ATP2C2: variants seen among roughly 807,000 people sequenced by gnomAD.
ATP2C2 encodes calcium-transporting ATPase type 2C member 2.
A neutral mutation model predicts 110.8 loss-of-function variants in ATP2C2; 171 were observed. The observed-to-expected ratio is 1.54, with a 90% CI of 1.36 to 1.75. The LOEUF (loss-of-function observed/expected upper bound fraction) is 1.75. Ranked by LOEUF, ATP2C2 falls within the 40% of genes most tolerant of loss-of-function variation. The pLI is 0.00. For missense variants in ATP2C2, 1,963 were observed against 1,235.0 expected, an observed-to-expected ratio of 1.59 and a Z score of -8.84; for synonymous variants, 804 against 508.4, an observed-to-expected ratio of 1.58 and a Z score of -7.82.
rs1392386592 is a variant in ATP2C2, at chr16:84,463,800, C to G, written c.*68C>G. On this transcript the variant is annotated 3_prime_UTR_variant, in exon 27 of 27. Transcript: ENST00000262429. ...GTTGTGACTGTGGCCCCTGCCGTGT[C>G]TCCTCGTCAGGGGAGACTTTTAGGA... The G allele has an allele frequency of 2.3e-5, 32 of 1,389,984 alleles. No individual in the cohort carries two copies. In the Middle Eastern group the frequency reaches 7.2e-4, roughly 31 times the overall value. The allele number at this position is 1,389,984 out of a possible 1,614,324, so 86.1% of individuals were successfully genotyped here. A position where few individuals can be genotyped will look rare whatever the true frequency, so the allele number is the denominator to read the frequency against.
chr16:84,448,175 G>C (rs575914809), intron 16 of ATP2C2, among the ~76,000 whole-genome samples: 1 of 152,216 alleles, frequency 6.6e-6, no homozygotes, highest in Non-Finnish European at 1.5e-5. Flanking sequence ...CAGTCTAATG[G>C]AAATATTCCC....
chr16:84,372,451 C>T (rs1288342350), intron 1 of ATP2C2, among the ~76,000 whole-genome samples: 1 of 152,014 alleles, frequency 6.6e-6, no homozygotes, highest in African/African-American at 2.4e-5. Flanking sequence ...TTTTTTCTTT[C>T]GAGACAGTGT....
chr16:84,404,728 A>G (rs1460971360), intron 2 of ATP2C2: 3 of 352,536 alleles, frequency 8.5e-6, no homozygotes, highest in Non-Finnish European at 1.6e-5. Context: ...GAATTGCTGG[A>G]TCTGGTAGCT....
chr16:84,368,554 C>T lies in ATP2C2; in HGVS notation c.-62C>T, dbSNP rs1361076601. Reference sequence around the variant, plus strand: ...GTCCGGCCCAGGAGGCTTGGGCGCGCGCAGCCATCCCGGGCCTCGCCGGGG... The same window carrying T: ...GTCCGGCCCAGGAGGCTTGGGCGCGTGCAGCCATCCCGGGCCTCGCCGGGG... On this transcript the variant is annotated 5_prime_UTR_variant, in exon 1 of 27. Transcript: ENST00000262429. 4 of 1,330,536 alleles carry T rather than the reference C, an allele frequency of 3.0e-6. No homozygotes were observed. The highest frequency in any genetic ancestry group is 2.8e-5 in the East Asian group (1 of 36,312). The allele number at this position is 1,330,536 out of a possible 1,614,324, so 82.4% of individuals were successfully genotyped here. A position where few individuals can be genotyped will look rare whatever the true frequency, so the allele number is the denominator to read the frequency against.
intron 7 of ATP2C2, among the ~76,000 whole-genome samples, chr16:84,417,663 G>A (rs960976464): frequency 9.2e-5 from 14 of 152,182 alleles, no homozygotes; most frequent in African/African-American, 2.2e-4. Flanking sequence ...CAGCCAAGGC[G>A]AGTGGATTGC....
chr16:84,460,985 A>G, intron 24 of ATP2C2, 184 bp downstream of exon 24: 2 of 821,752 alleles, frequency 2.4e-6, no homozygotes, highest in Non-Finnish European at 3.6e-6. Flanking sequence ...GACCCTTGAA[A>G]GAAGGGAGGT....
At chr16:84,446,475 C>A in intron 16 of ATP2C2, 45 bp downstream of exon 16, 3 of 1,408,932 alleles carry the variant, frequency 2.1e-6, no homozygotes, top group Admixed American at 2.3e-5. Context: ...TCTGCCCGGG[C>A]CCCCACCCAG....
At chr16:84,414,066 A>G (rs1465249743) in intron 6 of ATP2C2, among the ~76,000 whole-genome samples, 1 of 152,184 alleles carries the variant, frequency 6.6e-6, no homozygotes, top group Non-Finnish European at 1.5e-5. Context: ...TGACTGGTAG[A>G]AGGGTGAGGA....
At chr16:84,417,392 A>T (rs1217698330) in intron 7 of ATP2C2, among the ~76,000 whole-genome samples, 1 of 152,190 alleles carries the variant, frequency 6.6e-6, no homozygotes, top group African/African-American at 2.4e-5. Context: ...TTTCCATTTC[A>T]CAGGGTTATT....
chr16:84,390,535 G>C (rs1480109608), intron 1 of ATP2C2, among the ~76,000 whole-genome samples: 1 of 152,228 alleles, frequency 6.6e-6, no homozygotes, highest in African/African-American at 2.4e-5. Flanking sequence ...GGGTTCCAAA[G>C]GAGGCACAGA....
intron 6 of ATP2C2, among the ~76,000 whole-genome samples, chr16:84,412,690 T>A (rs560212077): frequency 1.3e-5 from 2 of 152,170 alleles, no homozygotes; most frequent in South Asian, 4.1e-4. Context: ...GAAAATGAAA[T>A]GATTTCAAAA....
At chr16:84,381,573 T>C (rs1403962730) in intron 1 of ATP2C2, among the ~76,000 whole-genome samples, 2 of 151,904 alleles carry the variant, frequency 1.3e-5, no homozygotes, top group African/African-American at 4.8e-5. Flanking sequence ...CAAGACTCTG[T>C]CCTGAAAAAA....
At chr16:84,421,676 A>G (rs1907352773) in intron 7 of ATP2C2, among the ~76,000 whole-genome samples, 1 of 152,184 alleles carries the variant, frequency 6.6e-6, no homozygotes, top group South Asian at 2.1e-4. Context: ...AAGATGGTTA[A>G]GAGTATCGTT....
intron 3 of ATP2C2, among the ~76,000 whole-genome samples, chr16:84,405,729 G>C (rs941620913): frequency 2.0e-5 from 3 of 152,120 alleles, no homozygotes; most frequent in Non-Finnish European, 4.4e-5. Context: ...AGACCAGCCC[G>C]GCCAACATGG....
At chr16:84,424,359 C>T (rs539449807) in intron 10 of ATP2C2, among the ~76,000 whole-genome samples, 13 of 152,250 alleles carry the variant, frequency 8.5e-5, no homozygotes, top group African/African-American at 2.9e-4. Context: ...GCTCACTGCA[C>T]CCTCTGCCTC....
At chr16:84,455,430 C>T (rs1392447506) in intron 21 of ATP2C2, among the ~76,000 whole-genome samples, 1 of 152,196 alleles carries the variant, frequency 6.6e-6, no homozygotes, top group Admixed American at 6.5e-5. Context: ...ATACATATAT[C>T]TCAGGCATTG....
At chr16:84,435,132 A>G (rs1476864023) in intron 11 of ATP2C2, among the ~76,000 whole-genome samples, 3 of 152,232 alleles carry the variant, frequency 2.0e-5, no homozygotes, top group Non-Finnish European at 2.9e-5. Flanking sequence ...CTGTTTTGTA[A>G]TTGGAATTTG....
intron 6 of ATP2C2, among the ~76,000 whole-genome samples, chr16:84,411,741 C>T (rs979722019): frequency 2.0e-5 from 3 of 152,082 alleles, no homozygotes; most frequent in Non-Finnish European, 2.9e-5. Context: ...CGTGCCCGGC[C>T]GACAAACTAA....
At chr16:84,412,290 ATG>A (rs553690668) in intron 6 of ATP2C2, among the ~76,000 whole-genome samples, 4,279 of 68,698 alleles carry the variant, frequency 0.062, 84 homozygotes, top group Middle Eastern at 0.1. Flanking sequence ...GTGTGCACGT[ATG>A]TGTGTGTGTG....
Sources: gnomAD v4.1 joint callset for allele counts (sites outside exome capture counted in the v4.1 genomes callset) on GRCh38, gnomAD v4.1.1 for gene constraint, MANE v1.5 for transcripts, NCBI Gene and HGNC (gene_info 2026-07-23, HGNC 2026-07-21) for gene names.